The following UCK2 variants were observed in gnomAD, a reference collection of about 807,000 sequenced individuals.
UCK2 encodes the protein cytidine monophosphokinase 2.
In UCK2, 6 loss-of-function variants were observed where a neutral mutation model predicts 30.8. The observed-to-expected ratio is 0.19, with a 90% CI of 0.11 to 0.38. The LOEUF is 0.38. Among genes scored for constraint, UCK2 ranks in the 10% least tolerant of loss-of-function variants. UCK2 has a pLI of 1.00. For synonymous variants in UCK2, 125 were observed against 133.6 expected (o/e 0.94, Z 0.45); for missense variants, 210 against 339.8 (o/e 0.62, Z 3.00).
At chr1:165,898,602 C>T (rs990608688) in intron 4 of UCK2, among the ~76,000 whole-genome samples, 3 of 152,130 alleles carry the variant, frequency 2.0e-5, no homozygotes, top group African/African-American at 7.2e-5. Flanking sequence ...AGGGAGGCCT[C>T]GCAGCAGGGA....
Position 165,909,389 on chromosome 1 carries a change from C to G in UCK2, c.*1566C>G, listed in dbSNP as rs546625610. On this transcript the variant is annotated 3_prime_UTR_variant, in exon 7 of 7. Coordinates refer to ENST00000367879, the MANE Select transcript of UCK2 (RefSeq NM_012474.5). ...CATTGCCAGAAACATTTTGGAGAAC[C>G]TTTTCTTCCCATTGCTCTCAGAGCC... The G allele has an allele frequency of 4.6e-5, 7 of 152,384 alleles. No individual in the cohort carries two copies. The East Asian group carries it at 9.6e-4, about 21-fold the overall frequency. 9.4% of individuals were successfully genotyped at this position (152,384 alleles called of 1,614,324 possible). A position where few individuals can be genotyped will look rare whatever the true frequency, so the allele number is the denominator to read the frequency against.
At chr1:165,872,897 C>T (rs1174172159) in intron 1 of UCK2, among the ~76,000 whole-genome samples, 2 of 152,092 alleles carry the variant, frequency 1.3e-5, no homozygotes, top group African/African-American at 2.4e-5. Flanking sequence ...ATCAGCAATC[C>T]GGCTGGGAGA....
chr1:165,903,704 T>A (rs1647561199), intron 5 of UCK2, among the ~76,000 whole-genome samples: 1 of 152,182 alleles, frequency 6.6e-6, no homozygotes, highest in Non-Finnish European at 1.5e-5. Context: ...CCTCTGAGCC[T>A]CTCCTGCCAT....
intron 1 of UCK2, among the ~76,000 whole-genome samples, chr1:165,884,668 G>A (rs1358907727): frequency 6.6e-6 from 1 of 152,212 alleles, no homozygotes; most frequent in Non-Finnish European, 1.5e-5. Context: ...TTATGGATTA[G>A]CTCCTGGAAG....
chr1:165,875,354 C>T (rs1655308226), intron 1 of UCK2, among the ~76,000 whole-genome samples: 1 of 152,132 alleles, frequency 6.6e-6, no homozygotes, highest in Non-Finnish European at 1.5e-5. Flanking sequence ...TAGGGAAACT[C>T]TCTGAAACCA....
At chr1:165,840,873 T>C (rs1168910311) in intron 1 of UCK2, among the ~76,000 whole-genome samples, 1 of 152,172 alleles carries the variant, frequency 6.6e-6, no homozygotes, top group Non-Finnish European at 1.5e-5. Flanking sequence ...TAATTACTAA[T>C]AGAACACCTA....
intron 5 of UCK2, among the ~76,000 whole-genome samples, chr1:165,904,733 T>G (rs915874632): frequency 6.6e-6 from 1 of 152,192 alleles, no homozygotes; most frequent in African/African-American, 2.4e-5. Flanking sequence ...ACCGTTGCCT[T>G]TCAGCAATCC....
chr1:165,848,340 G>A lies in UCK2; in HGVS notation c.99+20408G>A, dbSNP rs16851674. On this transcript the variant is annotated intron_variant, in intron 1 of 6. Transcript: ENST00000367879. ...TGGAGGTTGAACTTCTTGAAGAAAC[G>A]TTGAGCTTTTGTCAGGTGTGGTGGC... Among the ~76,000 whole-genome samples the A allele has an allele frequency of 8.4e-3, 1,281 of 152,208 alleles. 14 individuals carry two copies. The highest frequency in any genetic ancestry group is 0.029 in the African/African-American group (1,195 of 41,538).
At chr1:165,828,383 G>T (rs1473192192) in intron 1 of UCK2, among the ~76,000 whole-genome samples, 1 of 152,206 alleles carries the variant, frequency 6.6e-6, no homozygotes, top group Non-Finnish European at 1.5e-5. Context: ...TGCCGAGGGC[G>T]GAGCGAGCCG....
intron 1 of UCK2, among the ~76,000 whole-genome samples, chr1:165,842,065 G>A (rs1449896564): frequency 6.6e-6 from 1 of 152,186 alleles, no homozygotes; most frequent in Non-Finnish European, 1.5e-5. Context: ...TCCCGTTGGA[G>A]CTGTAGATTC....
intron 1 of UCK2, among the ~76,000 whole-genome samples, chr1:165,879,642 A>G (rs1204026907): frequency 6.6e-6 from 1 of 151,764 alleles, no homozygotes; most frequent in African/African-American, 2.4e-5. Flanking sequence ...CTCCTTATAC[A>G]GTAACGTGGT....
chr1:165,838,710 A>G (rs1161929946), intron 1 of UCK2, among the ~76,000 whole-genome samples: 1 of 151,808 alleles, frequency 6.6e-6, no homozygotes, highest in Admixed American at 6.6e-5. Flanking sequence ...TTGGTCTTGT[A>G]AGTGTGCATG....
At chr1:165,876,418 GC>G (rs1655338890) in intron 1 of UCK2, among the ~76,000 whole-genome samples, 1 of 152,186 alleles carries the variant, frequency 6.6e-6, no homozygotes, top group Non-Finnish European at 1.5e-5. Context: ...AGGTAGACAT[GC>G]CTATATTCCA....
intron 6 of UCK2, among the ~76,000 whole-genome samples, chr1:165,906,792 A>G (rs987860279): frequency 6.6e-6 from 1 of 152,134 alleles, no homozygotes; most frequent in South Asian, 2.1e-4. Context: ...AATTTATTTA[A>G]TTTTCCCTCC....
At chr1:165,878,953 G>A (rs185250004) in intron 1 of UCK2, among the ~76,000 whole-genome samples, 50 of 152,322 alleles carry the variant, frequency 3.3e-4, no homozygotes, top group Non-Finnish European at 6.0e-4. Context: ...GAGAGTTCCT[G>A]TTGCTCCACA....
At chr1:165,892,114 T>G (rs1655784969) in intron 3 of UCK2, 1 of 150,998 alleles carries the variant, frequency 6.6e-6, no homozygotes, top group South Asian at 2.1e-4. Flanking sequence ...GGGGGCTGTT[T>G]TGGTGCTTAC....
At position 165,827,625 on chromosome 1, in the gene UCK2, C is replaced by A. The variant is rs1028479906; in HGVS notation, c.-209C>A. 48 of 384,894 alleles carry A rather than the reference C, an allele frequency of 1.2e-4. No homozygotes were observed. Among genetic ancestry groups the A allele is most frequent in the Admixed American group, 5.0e-4 (11 of 21,788 alleles). The allele number at this position is 384,894 out of a possible 1,614,324, so 23.8% of individuals were successfully genotyped here. ...CCTCTGCCTGGGATGTAAACCGGAC[C>A]AGCCGCTGCGGGCAAAGGAAGGCTC... On this transcript the variant is annotated 5_prime_UTR_variant, in exon 1 of 7. Coordinates refer to ENST00000367879, the MANE Select transcript of UCK2 (RefSeq NM_012474.5).
rs146098552 is a variant in UCK2 at position 165,871,648 on chromosome 1, G to C, written c.100-18556G>C. On this transcript the variant is annotated intron_variant, in intron 1 of 6. Coordinates refer to ENST00000367879, the MANE Select transcript of UCK2 (RefSeq NM_012474.5). Reference sequence around the variant, plus strand: ...CTGCCTTTGATGTGGTTGGGATCTTGGGAGCTGAAGGCAAAGAAAGGACAA... The same window carrying C: ...CTGCCTTTGATGTGGTTGGGATCTTCGGAGCTGAAGGCAAAGAAAGGACAA... Among the ~76,000 whole-genome samples, 423 of 152,218 alleles carry C rather than the reference G, an allele frequency of 2.8e-3. 2 individuals carry two copies. Among genetic ancestry groups the C allele is most frequent in the African/African-American group, 9.5e-3 (395 of 41,512 alleles).
intron 6 of UCK2, among the ~76,000 whole-genome samples, chr1:165,906,792 A>T (rs987860279): frequency 6.6e-6 from 1 of 152,134 alleles, no homozygotes; most frequent in Non-Finnish European, 1.5e-5. Flanking sequence ...AATTTATTTA[A>T]TTTTCCCTCC....
Sources: gnomAD v4.1 joint callset for allele counts (sites outside exome capture counted in the v4.1 genomes callset) on GRCh38, gnomAD v4.1.1 for gene constraint, MANE v1.5 for transcripts, NCBI Gene and HGNC (gene_info 2026-07-23, HGNC 2026-07-21) for gene names.